Variants in YY1 observed in about 807,000 individuals in gnomAD.
The protein encoded by YY1 is transcriptional repressor protein YY1.
In YY1, 2 loss-of-function variants were observed where a neutral mutation model predicts 35.6. That is an observed-to-expected ratio of 0.06 (90% CI 0.02 to 0.18). The LOEUF (loss-of-function observed/expected upper bound fraction) is 0.18, where lower values mean the gene tolerates loss of function less well. YY1 is among the 10% of genes least tolerant of loss of function. The pLI is 1.00. For missense variants in YY1, 322 were observed against 573.4 expected (o/e 0.56, Z 4.48); for synonymous variants, 268 against 238.9 (o/e 1.12, Z -1.12).
intron 1 of YY1, among the ~76,000 whole-genome samples, chr14:100,252,473 A>G (rs1262351474): frequency 6.6e-6 from 1 of 152,150 alleles, no homozygotes. Context: ...GTTTTTCCAC[A>G]CATTCTATCT....
At position 100,239,184 on chromosome 14, in the gene YY1, CCCGCCCGCCCGCAGCCGAGGAGCCGAGG is replaced by C; in HGVS notation, c.-55_-28del. Reference sequence around the variant, plus strand: ...TTCCCCACGGCCGGCCGCCTCCTCGCCCGCCCGCCCGCAGCCGAGGAGCCGAGGCCGCCGCGGCCGTGGCGGCGGAGCC... The same window carrying C: ...TTCCCCACGGCCGGCCGCCTCCTCGCCCGCCGCGGCCGTGGCGGCGGAGCC... On this transcript the variant is annotated 5_prime_UTR_variant, in exon 1 of 5. Transcript: ENST00000262238. 7.5e-7 allele frequency: 1 copy of C among 1,339,104 alleles called. No homozygotes were observed. The highest frequency in any genetic ancestry group is 1.9e-5 in the South Asian group (1 of 52,360). The allele number at this position is 1,339,104 out of a possible 1,614,324, so 83.0% of individuals were successfully genotyped here.
chr14:100,265,175 C>G (rs970192355), intron 2 of YY1: 2 of 151,956 alleles, frequency 1.3e-5, no homozygotes, highest in African/African-American at 4.8e-5. Context: ...GTCAGGAGTT[C>G]AAGACCAGCC....
chr14:100,264,759 A>ATGAAGGCC (rs1891129882), intron 2 of YY1, among the ~76,000 whole-genome samples: 1 of 152,200 alleles, frequency 6.6e-6, no homozygotes, highest in South Asian at 2.1e-4. Context: ...ACAAGAGTTA[A>ATGAAGGCC]TGAAGGCCTG....
chr14:100,242,657 G>A (rs1425583720), intron 1 of YY1, among the ~76,000 whole-genome samples: 2 of 152,058 alleles, frequency 1.3e-5, no homozygotes, highest in East Asian at 1.9e-4. Context: ...CAAAGTGCTG[G>A]GATTACAGGT....
chr14:100,271,442 A>G (rs1379008866), intron 2 of YY1, among the ~76,000 whole-genome samples: 1 of 152,158 alleles, frequency 6.6e-6, no homozygotes, highest in Non-Finnish European at 1.5e-5. Flanking sequence ...AAGATAAGAA[A>G]GGCTAGTTCA....
chr14:100,278,648 C>T lies in YY1; in HGVS notation c.*1048C>T, dbSNP rs1891362557. The T allele has an allele frequency of 6.6e-6, 1 of 152,344 alleles. No individual in the cohort carries two copies. 9.4% of individuals were successfully genotyped at this position (152,344 alleles called of 1,614,324 possible). On this transcript the variant is annotated 3_prime_UTR_variant, in exon 5 of 5. Transcript: ENST00000262238. The stretch of plus-strand genomic sequence containing the variant: ...GCGATGCATGGATATTTTAATACTT[C>T]CTACATGTCCTGACTTCTGAAAGAG...
At chr14:100,241,205 T>C (rs1298478070) in intron 1 of YY1, among the ~76,000 whole-genome samples, 1 of 152,248 alleles carries the variant, frequency 6.6e-6, no homozygotes, top group Non-Finnish European at 1.5e-5. Context: ...GTTAATCTAA[T>C]GCCTGTGATG....
At chr14:100,258,129 CA>C (rs34289465) in intron 1 of YY1, among the ~76,000 whole-genome samples, 23 of 144,568 alleles carry the variant, frequency 1.6e-4, no homozygotes, top group South Asian at 4.4e-4. Flanking sequence ...GAGACTGTGT[CA>C]AAAAAAAAAG....
rs1890691217 is a variant in YY1 at position 100,239,508 on chromosome 14, G to T, written c.264G>T (p.Pro88=). Residue 88 remains proline, a synonymous_variant, in exon 1 of 5, where the codon CCG becomes CCT. Transcript: ENST00000262238. ...HHHPPMIALQ[P]LVTDDPTQVH... ...ACCCGCCCATGATCGCTCTGCAGCC[G>T]CTGGTCACCGACGACCCGACCCAGG... 1.2e-6 allele frequency: 2 copies of T among 1,610,810 alleles called. No individual in the cohort carries two copies. Among genetic ancestry groups the T allele is most frequent in the Admixed American group, 1.7e-5 (1 of 59,894 alleles).
rs79226690 is a variant in YY1, at chr14:100,252,591, A to G, written c.680-9713A>G. 5.2e-3 allele frequency among the ~76,000 whole-genome samples: 796 copies of G among 152,324 alleles called. 8 individuals carry two copies. The highest frequency in any genetic ancestry group is 0.018 in the African/African-American group (749 of 41,558). ...ACAGTTTTGGGTAGAAGTTCCTAAC[A>G]TGATGGTTGCCCACATCACCTTACC... is the stretch of plus-strand genomic sequence containing the variant. On this transcript the variant is annotated intron_variant, in intron 1 of 4. Transcript: ENST00000262238.
At chr14:100,264,573 G>A (rs1026528963) in intron 2 of YY1, among the ~76,000 whole-genome samples, 4 of 152,178 alleles carry the variant, frequency 2.6e-5, no homozygotes, top group Non-Finnish European at 5.9e-5. Context: ...CATTAAGGGC[G>A]ATGAATCCTA....
rs576532983 is a variant in YY1 at position 100,250,136 on chromosome 14, T to A, written c.679+10213T>A. On this transcript the variant is annotated intron_variant, in intron 1 of 4. Coordinates refer to ENST00000262238, the MANE Select transcript of YY1 (RefSeq NM_003403.5). ...AGGTCAGTTTCTTCAGCCAAAAACA[T>A]AGGGTTTAATACCTTAAAGATATTG... Among the ~76,000 whole-genome samples, 18 of 152,314 alleles carry A rather than the reference T, an allele frequency of 1.2e-4. No homozygotes were observed. In the South Asian group the frequency reaches 2.9e-3, roughly 25 times the overall value.
intron 2 of YY1, among the ~76,000 whole-genome samples, chr14:100,269,783 T>G (rs891951367): frequency 3.0e-4 from 46 of 152,170 alleles, no homozygotes; most frequent in African/African-American, 1.0e-3. Flanking sequence ...TTTGTCCAAA[T>G]GCATTTTAAA....
At chr14:100,259,544 A>G (rs1018088698) in intron 1 of YY1, among the ~76,000 whole-genome samples, 2 of 152,178 alleles carry the variant, frequency 1.3e-5, no homozygotes, top group African/African-American at 2.4e-5. Context: ...GGCAAGACCA[A>G]CAAAAATTCA....
chr14:100,262,528 G>C, intron 2 of YY1, 62 bp downstream of exon 2: 1 of 1,549,868 alleles, frequency 6.5e-7, no homozygotes. Flanking sequence ...TGCCAGCTAT[G>C]TTTTCCTGTG....
In YY1 at chr14:100,239,789, A is replaced by T; in HGVS notation, c.545A>T (p.Lys182Met). ...AAGGGCGGCGGCAAGAAGAGCGGCAAGAAGAGTTACCTCAGCGGCGGGGCC... is the reference window on the plus strand; with the variant it reads ...AAGGGCGGCGGCAAGAAGAGCGGCATGAAGAGTTACCTCAGCGGCGGGGCC... ...VKKGGGKKSG[K>M]KSYLSGGAGA... The change falls in exon 1 of 5, where the codon AAG (lysine) becomes ATG (methionine). Residue 182 changes from lysine to methionine, a missense_variant. Around this residue, in one of 4 missense-constraint regions of YY1, gnomAD observed 152 missense variants for 167.1 expected, o/e 0.91. Transcript: ENST00000262238. 1 of 1,551,116 alleles carries T rather than the reference A, an allele frequency of 6.4e-7. No homozygotes were observed. The highest frequency in any genetic ancestry group is 8.7e-7 in the Non-Finnish European group (1 of 1,150,918).
At chr14:100,260,441 A>G (rs1436602655) in intron 1 of YY1, among the ~76,000 whole-genome samples, 2 of 137,960 alleles carry the variant, frequency 1.4e-5, no homozygotes, top group Non-Finnish European at 3.0e-5. Flanking sequence ...ATATATATAT[A>G]TATATACACA....
intron 1 of YY1, among the ~76,000 whole-genome samples, chr14:100,249,760 G>GTTGTT (rs1555369516): frequency 7.5e-4 from 108 of 143,054 alleles, no homozygotes; most frequent in African/African-American, 2.7e-3. Flanking sequence ...TTTTTTTTTT[G>GTTGTT]TTTGTTTTTG....
Position 100,239,346 on chromosome 14 carries a change from G to A in YY1, c.102G>A (p.Glu34=). 4 of 1,604,560 alleles carry A rather than the reference G, an allele frequency of 2.5e-6. No individual in the cohort carries two copies. Among genetic ancestry groups the A allele is most frequent in the Non-Finnish European group, 1.7e-6 (2 of 1,176,260 alleles). ...HEIEVETIPV[E]TIETTVVGEE... ...TCGAGGTGGAGACCATCCCGGTGGA[G>A]ACCATCGAGACCACAGTGGTGGGCG... is the stretch of plus-strand genomic sequence containing the variant. The change falls in exon 1 of 5, where the codon GAG becomes GAA. Residue 34 remains glutamate (E), a synonymous_variant. Transcript: ENST00000262238.
Sources: allele counts gnomAD v4.1 joint callset (sites outside exome capture counted in the v4.1 genomes callset), GRCh38; gene constraint gnomAD v4.1.1; regional missense constraint gnomAD v4.1.1; transcripts MANE v1.5; gene names NCBI Gene and HGNC (gene_info 2026-07-23, HGNC 2026-07-21).